Variants in ICE2 observed in about 807,000 individuals in gnomAD.
ICE2 encodes the protein little elongation complex subunit 2.
Under a neutral mutation model 105.4 loss-of-function variants are expected in ICE2, and 87 were observed. That is an observed-to-expected ratio of 0.83 (90% CI 0.69 to 0.99). The LOEUF (loss-of-function observed/expected upper bound fraction) is 0.99, where lower values mean the gene tolerates loss of function less well. Among genes scored for constraint, ICE2 ranks in the 50% least tolerant of loss-of-function variants. The pLI, the probability that ICE2 is intolerant of heterozygous loss-of-function variation, is 0.00. For synonymous variants in ICE2, 399 were observed against 392.0 expected, an observed-to-expected ratio of 1.02 and a Z score of -0.21; for missense variants, 1,323 against 1,146.7, an observed-to-expected ratio of 1.15 and a Z score of -2.22.
At chr15:60,472,234 G>C (rs897886677) in intron 3 of ICE2, among the ~76,000 whole-genome samples, 1 of 151,596 alleles carries the variant, frequency 6.6e-6, no homozygotes. Flanking sequence ...AACACTATTC[G>C]AGTTGTTCTT....
chr15:60,479,091 A>G lies in ICE2; in HGVS notation c.-181T>C, dbSNP rs1195496766. On this transcript the variant is annotated 5_prime_UTR_variant, in exon 1 of 16. Coordinates refer to ENST00000261520, the MANE Select transcript of ICE2 (RefSeq NM_024611.6). ...CCTCACATTGTCGCGCGCGCCCAAA[A>G]AAGACCATATTTAAAGGATGTGGCC... The G allele has an allele frequency of 2.2e-6, 1 of 446,310 alleles. No homozygotes were observed. Among genetic ancestry groups the G allele is most frequent in the East Asian group, 7.2e-5 (1 of 13,900 alleles). 27.6% of individuals were successfully genotyped at this position (446,310 alleles called of 1,614,324 possible).
chr15:60,467,985 A>G, intron 4 of ICE2, 76 bp downstream of exon 4: 1 of 1,334,418 alleles, frequency 7.5e-7, no homozygotes, highest in Non-Finnish European at 1.0e-6. Flanking sequence ...ACCTAAAAAC[A>G]TAAATGTAAA....
chr15:60,470,801 T>C (rs2064571005), intron 3 of ICE2, among the ~76,000 whole-genome samples: 1 of 152,164 alleles, frequency 6.6e-6, no homozygotes, highest in Non-Finnish European at 1.5e-5. Context: ...AAATAAATTA[T>C]TTCACACTTA....
chr15:60,465,287 G>A lies in ICE2; in HGVS notation c.528+1307C>T, dbSNP rs569930298. Among the ~76,000 whole-genome samples, 8 of 152,092 alleles carry A rather than the reference G, an allele frequency of 5.3e-5. No individual in the cohort carries two copies. The South Asian group carries it at 1.7e-3, about 32-fold the overall frequency. The stretch of plus-strand genomic sequence containing the variant: ...GCTCACTGCAGCCTCCACCTCCTGG[G>A]CTTAAGTGATCTTCCCACCTAAGCC... On this transcript the variant is annotated intron_variant, in intron 5 of 15. Transcript: ENST00000261520.
intron 9 of ICE2, chr15:60,452,195 A>G (rs2063982702): frequency 1.0e-6 from 1 of 954,710 alleles, no homozygotes; most frequent in African/African-American, 1.8e-5. Flanking sequence ...ATGCTTTATG[A>G]CATATGTATC....
At chr15:60,472,026 C>T (rs114669571) in intron 3 of ICE2, among the ~76,000 whole-genome samples, 100 of 151,500 alleles carry the variant, frequency 6.6e-4, no homozygotes, top group African/African-American at 2.3e-3. Context: ...AACTCAGTTA[C>T]GAGTATCTGC....
chr15:60,453,458 T>A, intron 9 of ICE2, 145 bp downstream of exon 9: 1 of 1,418,914 alleles, frequency 7.0e-7, no homozygotes, highest in East Asian at 2.5e-5. Context: ...TTGCCTAAAG[T>A]CCAGCTAGAC....
Position 60,423,503 on chromosome 15 carries a change from A to G in ICE2, c.*131T>C, listed in dbSNP as rs1345342194. The G allele has an allele frequency of 2.6e-6, 2 of 756,946 alleles. No individual in the cohort carries two copies. The highest frequency in any genetic ancestry group is 4.0e-6 in the Non-Finnish European group (2 of 498,962). 46.9% of individuals were successfully genotyped at this position (756,946 alleles called of 1,614,324 possible). A position where few individuals can be genotyped will look rare whatever the true frequency, so the allele number is the denominator to read the frequency against. ...AAATATTCCTTCACATAGCCAACAC[A>G]TTTTTTCAAGGCACTCTAGCTACTA... On this transcript the variant is annotated 3_prime_UTR_variant, in exon 16 of 16. Coordinates refer to ENST00000261520, the MANE Select transcript of ICE2 (RefSeq NM_024611.6).
chr15:60,471,886 T>C (rs923252182), intron 3 of ICE2, among the ~76,000 whole-genome samples: 4 of 152,092 alleles, frequency 2.6e-5, no homozygotes, highest in Non-Finnish European at 4.4e-5. Context: ...CATTTGGAAA[T>C]GGTGCTTCTA....
intron 6 of ICE2, among the ~76,000 whole-genome samples, chr15:60,456,369 C>T (rs10162677): frequency 0.16 from 23,588 of 148,424 alleles, 2,066 homozygotes; most frequent in Middle Eastern, 0.32. Flanking sequence ...ATGGTGAAAT[C>T]CCCACTTCTA....
In ICE2 at chr15:60,428,486, A is replaced by G. The variant is rs2063385302; in HGVS notation, c.2763T>C (p.His921=). 6.2e-7 allele frequency: 1 copy of G among 1,614,024 alleles called. No homozygotes were observed. Among genetic ancestry groups the G allele is most frequent in the Non-Finnish European group, 8.5e-7 (1 of 1,179,974 alleles). The change falls in exon 15 of 16, where the codon CAT becomes CAC. Residue 921 remains histidine, a synonymous_variant. Coordinates refer to ENST00000261520, the MANE Select transcript of ICE2 (RefSeq NM_024611.6). ...GTGGAAAAGTACAAGGTATTCTTCC[A>G]TGATGGATATGATATGGTAATAACA... ...PSLLLPYHIH[H]GRIPCTFPPK...
Position 60,449,335 on chromosome 15 carries a change from A to G in ICE2, c.1632T>C (p.Val544=), listed in dbSNP as rs2063903778. The G allele has an allele frequency of 6.2e-7, 1 of 1,613,214 alleles. No individual in the cohort carries two copies. Among genetic ancestry groups the G allele is most frequent in the Non-Finnish European group, 8.5e-7 (1 of 1,179,998 alleles). Residue 544 remains valine (V), a synonymous_variant, in exon 10 of 16, where the codon GTT becomes GTC. Transcript: ENST00000261520. The part of the protein sequence containing the change: ...ILHADGERPN[V]LENLDNSKEK... ...CCTTTGAGTTGTCTAGGTTTTCTAG[A>G]ACATTAGGTCTTTCACCATCAGCAT...
intron 3 of ICE2, among the ~76,000 whole-genome samples, chr15:60,471,266 T>G (rs79459149): frequency 0.02 from 3,094 of 152,242 alleles, 194 homozygotes; most frequent in Admixed American, 0.14. Flanking sequence ...GCTACTAAAG[T>G]TTCTCAAATA....
chr15:60,461,691 G>GA (rs1242387133), intron 5 of ICE2, among the ~76,000 whole-genome samples: 20 of 152,162 alleles, frequency 1.3e-4, no homozygotes, highest in Non-Finnish European at 2.5e-4. Context: ...AAGCAAATGA[G>GA]ACATATGAGG....
intron 13 of ICE2, among the ~76,000 whole-genome samples, chr15:60,435,463 G>C (rs7163297): frequency 0.25 from 37,748 of 151,700 alleles, 5,012 homozygotes; most frequent in Middle Eastern, 0.45. Context: ...GCCAGGCGTG[G>C]TGGCGCATGC....
intron 15 of ICE2, among the ~76,000 whole-genome samples, chr15:60,427,660 A>C (rs2063366112): frequency 6.6e-6 from 1 of 152,026 alleles, no homozygotes; most frequent in Non-Finnish European, 1.5e-5. Flanking sequence ...CAAATGATCC[A>C]CCCGCCTTGG....
intron 11 of ICE2, among the ~76,000 whole-genome samples, chr15:60,445,052 T>C (rs1258188337): frequency 1.3e-5 from 2 of 152,174 alleles, no homozygotes; most frequent in African/African-American, 4.8e-5. Flanking sequence ...AAAGTGCAAC[T>C]CTTATTAAGC....
chr15:60,460,884 T>C (rs1379590837), intron 5 of ICE2, among the ~76,000 whole-genome samples: 1 of 152,194 alleles, frequency 6.6e-6, no homozygotes, highest in East Asian at 1.9e-4. Flanking sequence ...ATAGACTTAT[T>C]TTCATGTATA....
At chr15:60,463,176 G>T (rs2064327098) in intron 5 of ICE2, among the ~76,000 whole-genome samples, 1 of 152,188 alleles carries the variant, frequency 6.6e-6, no homozygotes, top group African/African-American at 2.4e-5. Context: ...TTCATTACAG[G>T]TTTACTGAGA....
Sources: gnomAD v4.1 joint callset for allele counts (sites outside exome capture counted in the v4.1 genomes callset) on GRCh38, gnomAD v4.1.1 for gene constraint, MANE v1.5 for transcripts, NCBI Gene and HGNC (gene_info 2026-07-23, HGNC 2026-07-21) for gene names.